ITPR1: variants seen among roughly 807,000 people sequenced by gnomAD.
ITPR1 encodes inositol 1,4,5-trisphosphate-gated calcium channel ITPR1.
In ITPR1, 96 loss-of-function variants were observed where a neutral mutation model predicts 318.4. That is an observed-to-expected ratio of 0.30 (90% CI 0.26 to 0.36). ITPR1 has a LOEUF of 0.36. Ranked by LOEUF, ITPR1 falls within the 10% of genes least tolerant of loss-of-function variation. The probability of loss-of-function intolerance (pLI) is 1.00; values close to 1 mark genes in which losing one functional copy is unlikely to be tolerated. For synonymous variants in ITPR1, 1,312 were observed against 1,289.9 expected (o/e 1.02, Z -0.37); for missense variants, 2,440 against 3,460.2 (o/e 0.71, Z 7.40).
chr3:4,717,384 A>T lies in ITPR1; in HGVS notation c.5121A>T (p.Glu1707Asp). ...TTTTCCAGCTAATTTCCATTGATGAATTGGATAATGCTGAGGTCCTAATTT... is the reference window on the plus strand; with the variant it reads ...TTTTCCAGCTAATTTCCATTGATGATTTGGATAATGCTGAGGTCCTAATTT... ...GYGEKLISID[E>D]LDNAELPPAP... The change falls in exon 40 of 62, where the codon GAA (glutamate) becomes GAT (aspartate). Residue 1707 changes from glutamate to aspartate, a missense_variant. By Grantham distance (45) the Glu-to-Asp change is conservative. Coordinates refer to ENST00000649015, the MANE Select transcript of ITPR1 (RefSeq NM_001378452.1). The T allele has an allele frequency of 6.3e-7, 1 of 1,596,696 alleles. No individual in the cohort carries two copies. The highest frequency in any genetic ancestry group is 1.1e-5 in the South Asian group (1 of 90,966).
rs534815431 is a variant in ITPR1 at position 4,667,318 on chromosome 3, C to T, written c.1714-59C>T. ...AAACATTGCTGCTTTCTTTAGTCTA[C>T]GCTTAACCATATTGTCATTTATCCT... On this transcript the variant is annotated intron_variant, in intron 17 of 61. Transcript: ENST00000649015. 6.0e-5 allele frequency: 80 copies of T among 1,342,612 alleles called. No homozygotes were observed. In the South Asian group the frequency reaches 6.7e-4, roughly 11 times the overall value. 83.2% of individuals were successfully genotyped at this position (1,342,612 alleles called of 1,614,324 possible).
At chr3:4,601,640 A>C (rs991768944) in intron 4 of ITPR1, among the ~76,000 whole-genome samples, 9 of 152,308 alleles carry the variant, frequency 5.9e-5, no homozygotes, top group Non-Finnish European at 1.3e-4. Context: ...CATGGTCCTG[A>C]ATTGGGTGAC....
intron 4 of ITPR1, among the ~76,000 whole-genome samples, chr3:4,606,078 C>T (rs1008262528): frequency 2.6e-5 from 4 of 152,162 alleles, no homozygotes; most frequent in African/African-American, 9.6e-5. Flanking sequence ...GGGGAAAGAG[C>T]CTTCCCCACT....
rs1224917077 is a variant in ITPR1 at position 4,674,286 on chromosome 3, T to C, written c.2541T>C (p.Asp847=). The C allele has an allele frequency of 2.5e-6, 4 of 1,599,904 alleles. No individual in the cohort carries two copies. The highest frequency in any genetic ancestry group is 2.6e-6 in the Non-Finnish European group (3 of 1,172,202). The change falls in exon 22 of 62, where the codon GAT becomes GAC. Residue 847 remains aspartate, a synonymous_variant. Transcript: ENST00000649015. ...AGTTTGTGGAGGAGTATTTAAGAGA[T>C]GTGGTTTGTCAGAGGTTCCCTTTCT... ...TMEFVEEYLR[D]VVCQRFPFSD...
chr3:4,840,097 G>A (rs981680010), intron 61 of ITPR1, among the ~76,000 whole-genome samples: 1 of 135,274 alleles, frequency 7.4e-6, no homozygotes, highest in African/African-American at 2.8e-5. Context: ...AAAGGAAGTA[G>A]TCAGTGTTTT....
Position 4,685,214 on chromosome 3 carries a change from G to A in ITPR1, c.3702+8G>A. On this transcript the variant is annotated splice_region_variant and intron_variant, in intron 30 of 61. Transcript: ENST00000649015. Reference sequence around the variant, plus strand: ...CAGATTCCCTATGAGAAGGTGAGCGGTGCCTCATGCACAGCAGCTGCTCTC... The same window carrying A: ...CAGATTCCCTATGAGAAGGTGAGCGATGCCTCATGCACAGCAGCTGCTCTC... 1.3e-6 allele frequency: 2 copies of A among 1,595,880 alleles called. No individual in the cohort carries two copies. The highest frequency in any genetic ancestry group is 8.5e-7 in the Non-Finnish European group (1 of 1,175,426).
intron 29 of ITPR1, 37 bp downstream of exon 29, chr3:4,684,383 A>T (rs1387917528): frequency 2.1e-6 from 3 of 1,454,524 alleles, no homozygotes; most frequent in Middle Eastern, 1.7e-4. Context: ...TCCTTTCTTT[A>T]TGAATTCTCT....
chr3:4,635,023 G>A (rs2093138891), intron 5 of ITPR1, among the ~76,000 whole-genome samples: 1 of 152,156 alleles, frequency 6.6e-6, no homozygotes, highest in African/African-American at 2.4e-5. Context: ...GATTACAGGC[G>A]TGAGCCACCG....
chr3:4,627,669 T>C, intron 4 of ITPR1, 94 bp from the exon 5 acceptor site: 1 of 747,554 alleles, frequency 1.3e-6, no homozygotes, highest in Non-Finnish European at 2.4e-6. Flanking sequence ...TGTAATTTTA[T>C]GTAATTTTTT....
intron 30 of ITPR1, among the ~76,000 whole-genome samples, chr3:4,685,788 G>A (rs1254144215): frequency 6.6e-6 from 1 of 152,206 alleles, no homozygotes; most frequent in African/African-American, 2.4e-5. Flanking sequence ...GGCTGACAGT[G>A]CTTTGCATGC....
rs148992054 is a variant in ITPR1, at chr3:4,618,107, A to T, written c.164-9656A>T. 1.7e-3 allele frequency among the ~76,000 whole-genome samples: 255 copies of T among 152,074 alleles called. 1 individual carries two copies. The highest frequency in any genetic ancestry group is 5.7e-3 in the African/African-American group (235 of 41,486). Reference sequence around the variant, plus strand: ...ATAGGTACAGAGTTTCCTTTTGGGGATGATGAAATGTTTTGGAACTAGATA... The same window carrying T: ...ATAGGTACAGAGTTTCCTTTTGGGGTTGATGAAATGTTTTGGAACTAGATA... On this transcript the variant is annotated intron_variant, in intron 4 of 61. Coordinates refer to ENST00000649015, the MANE Select transcript of ITPR1 (RefSeq NM_001378452.1).
intron 4 of ITPR1, among the ~76,000 whole-genome samples, chr3:4,573,238 A>G (rs1013761457): frequency 2.6e-5 from 4 of 152,138 alleles, no homozygotes; most frequent in African/African-American, 9.7e-5. Flanking sequence ...CTCCACATCT[A>G]TCCAAACCTT....
chr3:4,813,602 A>G (rs753728496), intron 57 of ITPR1, among the ~76,000 whole-genome samples: 6 of 152,212 alleles, frequency 3.9e-5, no homozygotes, highest in Non-Finnish European at 8.8e-5. Context: ...GGCTAAGCGT[A>G]TCATCAAGAA....
At chr3:4,630,595 A>T (rs1344418788) in intron 5 of ITPR1, among the ~76,000 whole-genome samples, 4 of 146,096 alleles carry the variant, frequency 2.7e-5, no homozygotes, top group African/African-American at 7.5e-5. Flanking sequence ...TATTATTATT[A>T]TTATTTTTAA....
chr3:4,738,527 G>A (rs925263792), intron 44 of ITPR1, among the ~76,000 whole-genome samples: 2 of 152,202 alleles, frequency 1.3e-5, no homozygotes, highest in African/African-American at 4.8e-5. Context: ...GGGATGACCA[G>A]GTGCACAAAG....
intron 61 of ITPR1, among the ~76,000 whole-genome samples, chr3:4,838,939 C>T (rs1377683305): frequency 6.6e-6 from 1 of 152,224 alleles, no homozygotes; most frequent in Non-Finnish European, 1.5e-5. Context: ...TTGAATTGTT[C>T]ACGAAGAGTG....
At chr3:4,748,598 T>C (rs1390661540) in intron 44 of ITPR1, among the ~76,000 whole-genome samples, 1 of 152,182 alleles carries the variant, frequency 6.6e-6, no homozygotes, top group Admixed American at 6.5e-5. Flanking sequence ...CTGGAATTCA[T>C]CTTGAGGGTA....
At chr3:4,620,970 A>G (rs1243256359) in intron 4 of ITPR1, among the ~76,000 whole-genome samples, 1 of 151,082 alleles carries the variant, frequency 6.6e-6, no homozygotes, top group Non-Finnish European at 1.5e-5. Flanking sequence ...CTATATTTTC[A>G]ACTTACTAGT....
At chr3:4,833,621 G>A (rs530167102) in intron 60 of ITPR1, among the ~76,000 whole-genome samples, 42 of 152,200 alleles carry the variant, frequency 2.8e-4, no homozygotes, top group Non-Finnish European at 5.3e-4. Context: ...CTTTCACAGA[G>A]TTCCTGCTTC....
Sources: gnomAD v4.1 joint callset for allele counts (sites outside exome capture counted in the v4.1 genomes callset) on GRCh38, gnomAD v4.1.1 for gene constraint, MANE v1.5 for transcripts, NCBI Gene and HGNC (gene_info 2026-07-23, HGNC 2026-07-21) for gene names.